Variants in ADAMTSL1 observed in about 807,000 individuals in gnomAD.
ADAMTSL1 encodes ADAMTS-like protein 1.
In ADAMTSL1, 126 loss-of-function variants were observed where a neutral mutation model predicts 201.8. The ratio of observed to expected loss-of-function variants is 0.62; its 90% CI spans 0.54 to 0.72. The LOEUF is 0.72. Among genes scored for constraint, ADAMTSL1 ranks in the 30% least tolerant of loss-of-function variants. The pLI is 0.00. For missense variants in ADAMTSL1, 2,679 were observed against 2,277.8 expected (o/e 1.18, Z -3.59); for synonymous variants, 1,121 against 903.4 (o/e 1.24, Z -4.32).
At chr9:18,291,694 C>T (rs1204988641) in intron 2 of ADAMTSL1, among the ~76,000 whole-genome samples, 1 of 148,382 alleles carries the variant, frequency 6.7e-6, no homozygotes, top group Non-Finnish European at 1.5e-5. Context: ...CGGGTGCGCA[C>T]ATGCTCTCTC....
chr9:18,688,704 A>ATATATATATATATCTATATC lies in ADAMTSL1; in HGVS notation c.1574+3909_1574+3910insATATATATCTATATCTATAT, dbSNP rs138160150. On this transcript the variant is annotated intron_variant, in intron 13 of 28. Coordinates refer to ENST00000380548, the MANE Select transcript of ADAMTSL1 (RefSeq NM_001040272.6). The stretch of plus-strand genomic sequence containing the variant: ...AAAAAAAAAAAATATATATATATAT[A>ATATATATATATATCTATATC]TATATGACTGTGACTAAGAATGCCT... Among the ~76,000 whole-genome samples the ATATATATATATATCTATATC allele has an allele frequency of 4.1e-4, 30 of 72,482 alleles. 1 individual carries two copies. The highest frequency in any genetic ancestry group is 1.5e-3 in the African/African-American group (27 of 17,820). 47.6% of individuals were successfully genotyped at this position (72,482 alleles called of 152,430 possible). A position where few individuals can be genotyped will look rare whatever the true frequency, so the allele number is the denominator to read the frequency against.
rs201178827 is a variant in ADAMTSL1, at chr9:18,132,757, G to A, written c.88-31105G>A. ...AAACTGGAGTACTGTAAGCTTCTCA[G>A]TCACATTTCACCCAAACACACAGTC... On this transcript the variant is annotated intron_variant, in intron 1 of 29. Transcript: ENST00000680146. Among the ~76,000 whole-genome samples, 15 of 152,046 alleles carry A rather than the reference G, an allele frequency of 9.9e-5. No individual in the cohort carries two copies. In the East Asian group the frequency reaches 2.9e-3, roughly 29 times the overall value.
intron 1 of ADAMTSL1, among the ~76,000 whole-genome samples, chr9:18,001,553 T>C (rs770469221): frequency 2.0e-5 from 3 of 152,046 alleles, no homozygotes; most frequent in Non-Finnish European, 2.9e-5. Flanking sequence ...ACGGGCTGAT[T>C]CAAAGAAGGT....
chr9:18,289,295 A>G (rs1375881678), intron 2 of ADAMTSL1, among the ~76,000 whole-genome samples: 8 of 152,170 alleles, frequency 5.3e-5, no homozygotes, highest in Non-Finnish European at 8.8e-5. Context: ...GATACCCAGG[A>G]GAACTGATGG....
chr9:18,549,525 C>A (rs540487445), intron 3 of ADAMTSL1, among the ~76,000 whole-genome samples: 1 of 152,062 alleles, frequency 6.6e-6, no homozygotes, highest in Non-Finnish European at 1.5e-5. Context: ...CAATGGTGAT[C>A]CCCAAAGGGG....
chr9:18,006,114 G>A (rs1307430102), intron 1 of ADAMTSL1, among the ~76,000 whole-genome samples: 2 of 151,868 alleles, frequency 1.3e-5, no homozygotes, highest in African/African-American at 4.8e-5. Context: ...CTACCTTATA[G>A]TGTTTGCTAA....
intron 1 of ADAMTSL1, among the ~76,000 whole-genome samples, chr9:18,083,179 G>A (rs1823588661): frequency 6.6e-6 from 1 of 152,156 alleles, no homozygotes; most frequent in Non-Finnish European, 1.5e-5. Flanking sequence ...TACTATTGAA[G>A]GCAATATTTG....
chr9:18,377,939 T>G (rs778604099), intron 2 of ADAMTSL1, among the ~76,000 whole-genome samples: 5 of 152,066 alleles, frequency 3.3e-5, no homozygotes, highest in Non-Finnish European at 7.4e-5. Flanking sequence ...CAATTCTGTC[T>G]CTATACTCAT....
At chr9:18,361,904 C>T (rs1836538120) in intron 2 of ADAMTSL1, among the ~76,000 whole-genome samples, 1 of 152,114 alleles carries the variant, frequency 6.6e-6, no homozygotes, top group East Asian at 1.9e-4. Flanking sequence ...ACTTCCAATC[C>T]CTGCTTAGTA....
chr9:18,196,960 C>T (rs939405392), intron 2 of ADAMTSL1, among the ~76,000 whole-genome samples: 1 of 152,122 alleles, frequency 6.6e-6, no homozygotes, highest in Non-Finnish European at 1.5e-5. Context: ...GCTTCACTCC[C>T]TCACACACAT....
chr9:18,474,290 C>A lies in ADAMTSL1; in HGVS notation c.58C>A (p.Leu20Ile). The change falls in exon 1 of 29, where the codon CTC (leucine) becomes ATC (isoleucine). Residue 20 changes from leucine (L) to isoleucine (I), a missense_variant. Leu to Ile is a conservative substitution (Grantham distance 5). Transcript: ENST00000380548. ...GTLLLFLAFL[L>I]LSSRTARSEE... ...ACTGCTCCTCTTTCTGGCTTTCCTG[C>A]TCCTGGTAAATGCCTTTTCATTTCA... is the stretch of plus-strand genomic sequence containing the variant. 1.9e-6 allele frequency: 3 copies of A among 1,614,094 alleles called. No homozygotes were observed. Among genetic ancestry groups the A allele is most frequent in the Non-Finnish European group, 2.5e-6 (3 of 1,180,002 alleles).
At chr9:18,638,533 T>C (rs1827244250) in intron 6 of ADAMTSL1, among the ~76,000 whole-genome samples, 1 of 152,104 alleles carries the variant, frequency 6.6e-6, no homozygotes, top group Non-Finnish European at 1.5e-5. Context: ...CCCAGCATGC[T>C]CTGATTTTCT....
chr9:18,330,085 C>T (rs558184779), intron 2 of ADAMTSL1, among the ~76,000 whole-genome samples: 6 of 152,158 alleles, frequency 3.9e-5, no homozygotes, highest in South Asian at 2.1e-4. Context: ...ATAAAGTTCC[C>T]GATTTTAAAT....
Position 18,892,481 on chromosome 9 carries a change from G to C in ADAMTSL1, c.4736G>C (p.Gly1579Ala), listed in dbSNP as rs557986636. The change falls in exon 26 of 29, where the codon GGG becomes GCG. Residue 1579 changes from glycine to alanine, a missense_variant. Transcript: ENST00000380548. ...RVTCQKLKASGISTPVSNDMC... is the reference protein window; with the variant it reads ...RVTCQKLKASAISTPVSNDMC... ...ACCTGTCAAAAGCTGAAAGCCTCTG[G>C]GATCTCCACCCCTGTGTCCAATGAC... The C allele has an allele frequency of 1.9e-6, 3 of 1,611,828 alleles. No homozygotes were observed. The highest frequency in any genetic ancestry group is 2.5e-6 in the Non-Finnish European group (3 of 1,179,168).
intron 20 of ADAMTSL1, among the ~76,000 whole-genome samples, chr9:18,807,415 C>A (rs979741865): frequency 2.0e-5 from 3 of 152,090 alleles, no homozygotes; most frequent in African/African-American, 4.8e-5. Context: ...GAGGCCGAGG[C>A]GGGCGGATCA....
At chr9:18,727,124 T>A in intron 15 of ADAMTSL1, among the ~76,000 whole-genome samples, 1 of 152,256 alleles carries the variant, frequency 6.6e-6, no homozygotes, top group Non-Finnish European at 1.5e-5. Context: ...CAATTTTCTT[T>A]TATATTAGCT....
At chr9:17,928,412 A>C (rs1826641861) in intron 1 of ADAMTSL1, among the ~76,000 whole-genome samples, 1 of 152,348 alleles carries the variant, frequency 6.6e-6, no homozygotes, top group Non-Finnish European at 1.5e-5. Context: ...ATAGTTTCAC[A>C]TTGGAAATCA....
At chr9:17,988,668 G>A (rs868703461) in intron 1 of ADAMTSL1, among the ~76,000 whole-genome samples, 1 of 151,550 alleles carries the variant, frequency 6.6e-6, no homozygotes, top group Non-Finnish European at 1.5e-5. Flanking sequence ...TGATAGTAAG[G>A]TCTGTTAATG....
intron 3 of ADAMTSL1, among the ~76,000 whole-genome samples, chr9:18,543,504 A>C (rs1273770491): frequency 1.3e-5 from 2 of 152,190 alleles, no homozygotes; most frequent in Non-Finnish European, 2.9e-5. Flanking sequence ...CAAATAAATT[A>C]ATCTCTAAAT....
Sources: allele counts gnomAD v4.1 joint callset (sites outside exome capture counted in the v4.1 genomes callset), GRCh38; gene constraint gnomAD v4.1.1; transcripts MANE v1.5; gene names NCBI Gene and HGNC (gene_info 2026-07-23, HGNC 2026-07-21).